The following SLC26A7 variants were observed in gnomAD, a reference collection of about 807,000 sequenced individuals.
The protein encoded by SLC26A7 is solute carrier family 26 member 7, also known as anion exchange transporter.
In SLC26A7, 59 loss-of-function variants were observed where a neutral mutation model predicts 82.5. The observed-to-expected ratio is 0.72, with a 90% CI of 0.58 to 0.89. The LOEUF (loss-of-function observed/expected upper bound fraction) is 0.89. Among genes scored for constraint, SLC26A7 ranks in the 40% least tolerant of loss-of-function variants. The pLI is 0.00. For missense variants in SLC26A7, 820 were observed against 793.0 expected (o/e 1.03, Z -0.41); for synonymous variants, 271 against 274.3 (o/e 0.99, Z 0.12).
intron 2 of SLC26A7, among the ~76,000 whole-genome samples, chr8:91,253,846 C>G (rs4515508): frequency 0.01 from 1,568 of 152,174 alleles, 19 homozygotes; most frequent in Non-Finnish European, 0.016. Flanking sequence ...ATATTCTTAC[C>G]AGCTTGTGAA....
In SLC26A7 at chr8:91,395,247, G is replaced by A. The variant is rs140404698; in HGVS notation, c.*150G>A. ...GTGACTTAGTAACTGCATAGCAGTTGGAAAGAACTGCCAACTTTTTTTTCT... is the reference window on the plus strand; with the variant it reads ...GTGACTTAGTAACTGCATAGCAGTTAGAAAGAACTGCCAACTTTTTTTTCT... On this transcript the variant is annotated 3_prime_UTR_variant, in exon 19 of 19. Transcript: ENST00000276609. 108 of 1,408,410 alleles carry A rather than the reference G, an allele frequency of 7.7e-5. No homozygotes were observed. The East Asian group carries it at 1.9e-3, about 25-fold the overall frequency. 87.2% of individuals were successfully genotyped at this position (1,408,410 alleles called of 1,614,324 possible).
chr8:91,252,105 T>G (rs1172407275), intron 2 of SLC26A7, among the ~76,000 whole-genome samples: 1 of 152,158 alleles, frequency 6.6e-6, no homozygotes, highest in Non-Finnish European at 1.5e-5. Context: ...TCTTGCATCA[T>G]AACGCAAACA....
intron 2 of SLC26A7, among the ~76,000 whole-genome samples, chr8:91,282,924 TC>T (rs542054401): frequency 2.1e-4 from 32 of 152,344 alleles, no homozygotes; most frequent in African/African-American, 7.7e-4. Flanking sequence ...TTTTTGTTCA[TC>T]TGTTACTCCT....
upstream of SLC26A7, chr8:91,249,176 G>C (rs1225740147): frequency 6.6e-6 from 1 of 152,304 alleles, no homozygotes; most frequent in Non-Finnish European, 1.5e-5. Flanking sequence ...AGAGAGACTG[G>C]ACTAGCTGGA....
intron 5 of SLC26A7, among the ~76,000 whole-genome samples, chr8:91,330,170 AT>A (rs1813040146): frequency 6.6e-6 from 1 of 152,102 alleles, no homozygotes; most frequent in Non-Finnish European, 1.5e-5. Context: ...AACTGTATGG[AT>A]AAAAGGGGGT....
intron 5 of SLC26A7, among the ~76,000 whole-genome samples, chr8:91,321,687 T>C (rs902981561): frequency 2.6e-5 from 4 of 152,226 alleles, no homozygotes; most frequent in African/African-American, 7.2e-5. Flanking sequence ...AAATTTGTTC[T>C]TAAGAGTTTT....
intron 2 of SLC26A7, among the ~76,000 whole-genome samples, chr8:91,270,206 A>C (rs1015067993): frequency 2.0e-5 from 3 of 152,130 alleles, no homozygotes; most frequent in African/African-American, 7.2e-5. Flanking sequence ...CACTTCTTCC[A>C]GCTTTTGGAG....
At chr8:91,217,535 T>C (rs189629524) in intron 1 of SLC26A7, among the ~76,000 whole-genome samples, 1 of 152,178 alleles carries the variant, frequency 6.6e-6, no homozygotes, top group Non-Finnish European at 1.5e-5. Context: ...TCTTGCCTTA[T>C]GTGCTTACCC....
In SLC26A7 at chr8:91,318,346, T is replaced by C. The variant is rs142644231; in HGVS notation, c.608T>C (p.Met203Thr). ...SQVKYLLGMK[M>T]PYISGPLGFF... ...GTCAAATATCTCTTGGGAATGAAAATGCCATATATATCCGGACCACTTGGA... is the reference window on the plus strand; with the variant it reads ...GTCAAATATCTCTTGGGAATGAAAACGCCATATATATCCGGACCACTTGGA... Residue 203 changes from methionine to threonine, a missense_variant, in exon 5 of 19, where the codon ATG becomes ACG. Met to Thr is a moderately conservative substitution (Grantham distance 81). Coordinates refer to ENST00000276609, the MANE Select transcript of SLC26A7 (RefSeq NM_052832.4). 3.1e-6 allele frequency: 5 copies of C among 1,611,768 alleles called. No individual in the cohort carries two copies. The highest frequency in any genetic ancestry group is 3.4e-6 in the Non-Finnish European group (4 of 1,178,806).
At chr8:91,241,426 C>G (rs768602054) in intron 2 of SLC26A7, among the ~76,000 whole-genome samples, 1 of 152,012 alleles carries the variant, frequency 6.6e-6, no homozygotes. Flanking sequence ...CTGAAATCAT[C>G]TACTTTATAA....
intron 1 of SLC26A7, among the ~76,000 whole-genome samples, chr8:91,218,267 C>T (rs1810091527): frequency 6.6e-6 from 1 of 152,086 alleles, no homozygotes; most frequent in Non-Finnish European, 1.5e-5. Flanking sequence ...AAATGGTAAG[C>T]TTTTGAGGTT....
At chr8:91,266,093 C>T (rs989831973) in intron 2 of SLC26A7, among the ~76,000 whole-genome samples, 18 of 151,554 alleles carry the variant, frequency 1.2e-4, no homozygotes, top group Admixed American at 5.3e-4. Flanking sequence ...GTCGTTAATT[C>T]ATTTTGAGTT....
intron 4 of SLC26A7, among the ~76,000 whole-genome samples, chr8:91,298,262 T>G (rs1357554063): frequency 1.3e-5 from 2 of 152,202 alleles, no homozygotes; most frequent in African/African-American, 4.8e-5. Flanking sequence ...GTCTAAATGT[T>G]CCCTACACAC....
intron 3 of SLC26A7, among the ~76,000 whole-genome samples, chr8:91,292,090 G>T (rs537866225): frequency 2.0e-3 from 309 of 152,166 alleles, no homozygotes; most frequent in Non-Finnish European, 3.9e-3. Flanking sequence ...CAGATCACAA[G>T]GTCAGGAGAT....
intron 2 of SLC26A7, among the ~76,000 whole-genome samples, chr8:91,279,706 T>C (rs552126744): frequency 2.6e-5 from 4 of 151,974 alleles, no homozygotes; most frequent in Non-Finnish European, 4.4e-5. Flanking sequence ...ACTATAGGCG[T>C]CCACCACCAC....
In SLC26A7 at chr8:91,239,375, CAAAA is replaced by C. The variant is rs1219500630; in HGVS notation, c.-33-10226_-33-10223del. Reference sequence around the variant, plus strand: ...TGGGCGACAGAGCGAGACTCCGTCTCAAAAAAAAAAAAAAAAAAAAATATATATA... The same window carrying C: ...TGGGCGACAGAGCGAGACTCCGTCTCAAAAAAAAAAAAAAAAATATATATA... On this transcript the variant is annotated intron_variant, in intron 2 of 5. Coordinates refer to the SLC26A7 transcript ENST00000522862. Among the ~76,000 whole-genome samples the C allele has an allele frequency of 3.6e-3, 300 of 84,112 alleles. 1 individual carries two copies. The highest frequency in any genetic ancestry group is 0.026 in the Middle Eastern group (4 of 152). 55.2% of individuals were successfully genotyped at this position (84,112 alleles called of 152,430 possible). A position where few individuals can be genotyped will look rare whatever the true frequency, so the allele number is the denominator to read the frequency against.
At chr8:91,371,402 A>G (rs900791351) in intron 15 of SLC26A7, among the ~76,000 whole-genome samples, 18 of 151,638 alleles carry the variant, frequency 1.2e-4, no homozygotes, top group African/African-American at 4.4e-4. Context: ...TACCCTCCCT[A>G]CTTTTGGAGT....
At chr8:91,334,550 C>T (rs1418821069) in intron 6 of SLC26A7, 103 bp downstream of exon 6, 8 of 978,668 alleles carry the variant, frequency 8.2e-6, no homozygotes, top group Admixed American at 3.2e-5. Context: ...CCCTCAGCTA[C>T]TCCTGTCTCT....
intron 5 of SLC26A7, among the ~76,000 whole-genome samples, chr8:91,330,753 A>C (rs753031602): frequency 2.0e-5 from 3 of 152,184 alleles, no homozygotes; most frequent in Non-Finnish European, 4.4e-5. Flanking sequence ...AAGAGAAAAC[A>C]TGGAAGATAC....
Sources: allele counts gnomAD v4.1 joint callset (sites outside exome capture counted in the v4.1 genomes callset), GRCh38; gene constraint gnomAD v4.1.1; transcripts MANE v1.5; gene names NCBI Gene and HGNC (gene_info 2026-07-23, HGNC 2026-07-21).